The following GLI3 variants were observed in gnomAD, a reference collection of about 807,000 sequenced individuals.
GLI3 encodes the protein transcription activator GLI3.
In GLI3, 20 loss-of-function variants were observed where a neutral mutation model predicts 100.8. The ratio of observed to expected loss-of-function variants is 0.20; its 90% CI spans 0.14 to 0.29. The LOEUF is 0.29. GLI3 is among the 10% of genes least tolerant of loss of function. The pLI, the probability that GLI3 is intolerant of heterozygous loss-of-function variation, is 1.00. For synonymous variants in GLI3, 938 were observed against 860.5 expected, an observed-to-expected ratio of 1.09 and a Z score of -1.58; for missense variants, 2,040 against 2,128.5, an observed-to-expected ratio of 0.96 and a Z score of 0.82.
chr7:42,172,649 C>T (rs1423590201), intron 2 of GLI3: 1 of 702,900 alleles, frequency 1.4e-6, no homozygotes, highest in Admixed American at 2.0e-5. Flanking sequence ...ATCCAATCCT[C>T]CTGGTCCAGC....
intron 2 of GLI3, among the ~76,000 whole-genome samples, chr7:42,155,739 T>A (rs544454401): frequency 6.6e-6 from 1 of 152,164 alleles, no homozygotes; most frequent in Admixed American, 6.5e-5. Flanking sequence ...AGAATTCAGA[T>A]AAACGAAAAT....
At chr7:41,978,508 C>T (rs992107444) in intron 11 of GLI3, 91 bp downstream of exon 11, 36 of 1,264,904 alleles carry the variant, frequency 2.8e-5, no homozygotes, top group African/African-American at 1.5e-4. Context: ...CACCCAACCA[C>T]GCTTCCCCTG....
chr7:42,081,004 C>G (rs1784986774), intron 3 of GLI3, among the ~76,000 whole-genome samples: 1 of 152,158 alleles, frequency 6.6e-6, no homozygotes, highest in Non-Finnish European at 1.5e-5. Flanking sequence ...CTGCCCTGCC[C>G]CTTGACAAAA....
At chr7:42,106,298 T>C (rs1325232840) in intron 3 of GLI3, among the ~76,000 whole-genome samples, 1 of 152,236 alleles carries the variant, frequency 6.6e-6, no homozygotes, top group Admixed American at 6.5e-5. Context: ...ACTCAGCACC[T>C]GGCCCTCAGA....
chr7:42,182,664 A>ATATATATATATACGTGTGTG (rs1787629217), intron 2 of GLI3, among the ~76,000 whole-genome samples: 1 of 78,328 alleles, frequency 1.3e-5, no homozygotes, highest in African/African-American at 6.4e-5. Flanking sequence ...ATATATATAT[A>ATATATATATATACGTGTGTG]TATATATATA....
rs1029707825 is a variant in GLI3 at position 42,113,601 on chromosome 7, A to C, written c.367+34625T>G. On this transcript the variant is annotated intron_variant, in intron 3 of 14. Transcript: ENST00000395925. ...AAAAAAGACCAGGCCCAGAAAGCTG[A>C]AGGTGCTGGAGATGCCAAGTGAAGT... The C allele has an allele frequency of 2.9e-6, 3 of 1,035,310 alleles. No individual in the cohort carries two copies. The African/African-American group carries it at 4.7e-5, about 16-fold the overall frequency. The allele number at this position is 1,035,310 out of a possible 1,614,324, so 64.1% of individuals were successfully genotyped here.
intron 10 of GLI3, among the ~76,000 whole-genome samples, chr7:42,005,826 C>A (rs1390011720): frequency 6.6e-6 from 1 of 152,148 alleles, no homozygotes; most frequent in Non-Finnish European, 1.5e-5. Flanking sequence ...CAGGGTTCCC[C>A]TTGGAGTCCT....
intron 2 of GLI3, among the ~76,000 whole-genome samples, chr7:42,220,380 T>C (rs567980127): frequency 2.0e-5 from 3 of 151,998 alleles, no homozygotes; most frequent in Non-Finnish European, 4.4e-5. Flanking sequence ...GAGGGACAGA[T>C]GGATGGACAG....
At chr7:42,141,967 C>G (rs1367586927) in intron 3 of GLI3, among the ~76,000 whole-genome samples, 2 of 152,086 alleles carry the variant, frequency 1.3e-5, no homozygotes, top group African/African-American at 2.4e-5. Flanking sequence ...GCATGAGTCC[C>G]CAGTCCTACC....
intron 2 of GLI3, among the ~76,000 whole-genome samples, chr7:42,154,758 CT>C (rs956478749): frequency 6.6e-6 from 1 of 152,196 alleles, no homozygotes; most frequent in African/African-American, 2.4e-5. Context: ...CTCTTTCCAT[CT>C]AGATTGCAGT....
intron 3 of GLI3, among the ~76,000 whole-genome samples, chr7:42,127,803 TTAGAG>T (rs1786170900): frequency 6.6e-6 from 1 of 151,792 alleles, no homozygotes; most frequent in African/African-American, 2.4e-5. Context: ...AGCTCAGGGG[TTAGAG>T]ACCAGCCTGG....
chr7:41,964,717 C>T lies in GLI3; in HGVS notation c.4356G>A (p.Gln1452=), dbSNP rs377535957. Residue 1452 remains glutamine (Q), a synonymous_variant, in exon 15 of 15, where the codon CAG becomes CAA. Coordinates refer to ENST00000395925, the MANE Select transcript of GLI3 (RefSeq NM_000168.6). ...QFYDQTVGFS[Q]QDTKAGSFSI... ...AGAATGAACCAGCTTTCGTGTCTTG[C>T]TGACTGAAGCCCACGGTTTGGTCAT... 10 of 1,614,086 alleles carry T rather than the reference C, an allele frequency of 6.2e-6. No homozygotes were observed. The East Asian group carries it at 6.7e-5, about 11-fold the overall frequency.
At chr7:42,059,263 T>TG (rs1784520703) in intron 4 of GLI3, among the ~76,000 whole-genome samples, 1 of 152,054 alleles carries the variant, frequency 6.6e-6, no homozygotes, top group South Asian at 2.1e-4. Context: ...GTCCTCCAAA[T>TG]GGAGTCCAAA....
At chr7:42,167,246 T>TAAGC (rs1787264747) in intron 2 of GLI3, among the ~76,000 whole-genome samples, 1 of 152,110 alleles carries the variant, frequency 6.6e-6, no homozygotes, top group African/African-American at 2.4e-5. Flanking sequence ...CTAAGGACAG[T>TAAGC]AAGCAATGGG....
intron 6 of GLI3, among the ~76,000 whole-genome samples, chr7:42,044,713 A>G (rs1321768073): frequency 6.6e-6 from 1 of 152,222 alleles, no homozygotes; most frequent in Non-Finnish European, 1.5e-5. Flanking sequence ...TAAAGAAAAC[A>G]TATGGGGCAA....
At chr7:42,068,406 C>T (rs1784717700) in intron 4 of GLI3, among the ~76,000 whole-genome samples, 1 of 152,180 alleles carries the variant, frequency 6.6e-6, no homozygotes, top group African/African-American at 2.4e-5. Context: ...CAGTATAGCT[C>T]TCTGCCAAAA....
At chr7:42,116,504 GAATT>G in intron 3 of GLI3, among the ~76,000 whole-genome samples, 1 of 142,764 alleles carries the variant, frequency 7.0e-6, no homozygotes, top group Non-Finnish European at 1.5e-5. Context: ...AAAAAAAAAA[GAATT>G]AAAGCTTTCC....
chr7:42,211,365 T>C (rs1382616324), intron 2 of GLI3, among the ~76,000 whole-genome samples: 1 of 152,238 alleles, frequency 6.6e-6, no homozygotes, highest in Non-Finnish European at 1.5e-5. Flanking sequence ...TGTCAACGTT[T>C]ATAAGAAAGG....
intron 4 of GLI3, among the ~76,000 whole-genome samples, chr7:42,073,657 GC>G (rs2128750940): frequency 6.6e-6 from 1 of 152,264 alleles, no homozygotes; most frequent in Non-Finnish European, 1.5e-5. Context: ...AGAAGCGCCT[GC>G]CCTTCTTCTA....
Sources: gnomAD v4.1 joint callset for allele counts (sites outside exome capture counted in the v4.1 genomes callset) on GRCh38, gnomAD v4.1.1 for gene constraint, MANE v1.5 for transcripts, NCBI Gene and HGNC (gene_info 2026-07-23, HGNC 2026-07-21) for gene names.